The following UBXN2A variants were observed in gnomAD, a reference collection of about 807,000 sequenced individuals.
UBXN2A encodes the protein UBX domain protein 2A.
In UBXN2A, 28 loss-of-function variants were observed where a neutral mutation model predicts 28.4. The ratio of observed to expected loss-of-function variants is 0.99; its 90% CI spans 0.73 to 1.35. UBXN2A has a LOEUF of 1.35. Ranked by LOEUF, UBXN2A falls within the 40% of genes most tolerant of loss-of-function variation. The pLI is 0.00. For synonymous variants in UBXN2A, 97 were observed against 103.6 expected, an observed-to-expected ratio of 0.94 and a Z score of 0.39; for missense variants, 253 against 297.9, an observed-to-expected ratio of 0.85 and a Z score of 1.11.
intron 2 of UBXN2A, among the ~76,000 whole-genome samples, chr2:23,965,233 CTCGGACT>C (rs1558292202): frequency 6.6e-6 from 1 of 152,162 alleles, no homozygotes. Flanking sequence ...ACTGGATTAG[CTCGGACT>C]TCCAGTACAA....
chr2:23,932,775 G>C (rs1573518104), intron 1 of UBXN2A, among the ~76,000 whole-genome samples: 1 of 152,184 alleles, frequency 6.6e-6, no homozygotes, highest in South Asian at 2.1e-4. Flanking sequence ...AAAGTCCCAT[G>C]AATATGATTC....
Position 24,003,445 on chromosome 2 carries a change from A to C in UBXN2A, c.*3578A>C, listed in dbSNP as rs2150932222. The C allele has an allele frequency of 6.6e-6, 1 of 152,264 alleles. No homozygotes were observed. Among genetic ancestry groups the C allele is most frequent in the Middle Eastern group, 3.4e-3 (1 of 294 alleles). 9.4% of individuals were successfully genotyped at this position (152,264 alleles called of 1,614,324 possible). ...GGTTTTTACTAAGGACTCAGGAATA[A>C]CAACAGGGAAATATCTATGTAACTA... On this transcript the variant is annotated 3_prime_UTR_variant, in exon 7 of 7. Coordinates refer to ENST00000309033, the MANE Select transcript of UBXN2A (RefSeq NM_181713.4).
In UBXN2A at chr2:23,940,491, G is replaced by C. The variant is rs1219250409; in HGVS notation, c.-172G>C. ...TGGGCGCCTGGCGAAGACCGAGAGA[G>C]GCTGGCGGGATCTCAGCGGCGCGGC... On this transcript the variant is annotated 5_prime_UTR_variant, in exon 1 of 7. Coordinates refer to ENST00000309033, the MANE Select transcript of UBXN2A (RefSeq NM_181713.4). 4.6e-5 allele frequency: 7 copies of C among 151,382 alleles called. No individual in the cohort carries two copies. In the East Asian group the frequency reaches 1.2e-3, roughly 25 times the overall value. The allele number at this position is 151,382 out of a possible 1,614,324, so 9.4% of individuals were successfully genotyped here.
chr2:23,946,820 T>C (rs1706106727), intron 1 of UBXN2A, among the ~76,000 whole-genome samples: 1 of 151,814 alleles, frequency 6.6e-6, no homozygotes, highest in Non-Finnish European at 1.5e-5. Context: ...AATTTTTGTT[T>C]ATAGATTTTA....
intron 1 of UBXN2A, among the ~76,000 whole-genome samples, chr2:23,947,519 G>A (rs946889390): frequency 6.6e-6 from 1 of 152,024 alleles, no homozygotes; most frequent in African/African-American, 2.4e-5. Context: ...CATGACTTAG[G>A]TTCATTCATG....
At chr2:23,931,336 A>G (rs555472451) in intron 1 of UBXN2A, among the ~76,000 whole-genome samples, 8 of 152,052 alleles carry the variant, frequency 5.3e-5, no homozygotes, top group Non-Finnish European at 7.4e-5. Context: ...AATCGCAGAT[A>G]TTCGGAGGCT....
At position 23,992,922 on chromosome 2, in the gene UBXN2A, A is replaced by G. The variant is rs796308969; in HGVS notation, c.585-6750A>G. Among the ~76,000 whole-genome samples, 10 of 152,302 alleles carry G rather than the reference A, an allele frequency of 6.6e-5. 1 individual carries two copies. The highest frequency in any genetic ancestry group is 2.2e-4 in the African/African-American group (9 of 41,566). ...TTGTTTTTAAATCTAGGCTAACAGT[A>G]TTAGTTTCTGGTTTTGTGGGGTTTT... On this transcript the variant is annotated intron_variant, in intron 6 of 6. Coordinates refer to ENST00000309033, the MANE Select transcript of UBXN2A (RefSeq NM_181713.4).
chr2:23,957,952 A>G (rs1414246775), intron 1 of UBXN2A, among the ~76,000 whole-genome samples: 1 of 152,164 alleles, frequency 6.6e-6, no homozygotes, highest in Non-Finnish European at 1.5e-5. Context: ...CAGTCTCACT[A>G]TTTTACCCAG....
intron 3 of UBXN2A, among the ~76,000 whole-genome samples, chr2:23,975,857 C>T (rs1249674671): frequency 6.6e-6 from 1 of 152,128 alleles, no homozygotes; most frequent in Non-Finnish European, 1.5e-5. Context: ...AACTCCTGAC[C>T]TCAGGTGATC....
upstream of UBXN2A, among the ~76,000 whole-genome samples, chr2:23,939,970 C>G (rs1705665204): frequency 1.3e-5 from 2 of 151,990 alleles, no homozygotes; most frequent in South Asian, 2.1e-4. Flanking sequence ...ATTAGCCGGG[C>G]GTGCTGGCAG....
chr2:23,989,957 C>CT (rs1422411973), intron 6 of UBXN2A, among the ~76,000 whole-genome samples: 1 of 152,130 alleles, frequency 6.6e-6, no homozygotes, highest in East Asian at 1.9e-4. Flanking sequence ...ATATTTGTAA[C>CT]TAACTTCTAC....
intron 3 of UBXN2A, among the ~76,000 whole-genome samples, chr2:23,972,105 T>G (rs1056179857): frequency 1.3e-5 from 2 of 151,338 alleles, no homozygotes; most frequent in Non-Finnish European, 2.9e-5. Context: ...ACTGATAAGG[T>G]AAGGGTAAGG....
Position 23,959,083 on chromosome 2 carries a change from A to G in UBXN2A, c.41+728A>G, listed in dbSNP as rs545005052. 5.3e-5 allele frequency among the ~76,000 whole-genome samples: 8 copies of G among 152,270 alleles called. No homozygotes were observed. In the East Asian group the frequency reaches 1.4e-3, roughly 26 times the overall value. ...CCTGGCTTCAAGTGATCCTCCTGCC[A>G]CAGCCTCTCAAAATGCTAGGATTAT... is the stretch of plus-strand genomic sequence containing the variant. On this transcript the variant is annotated intron_variant, in intron 2 of 6. Transcript: ENST00000309033.
upstream of UBXN2A, chr2:23,940,319 C>G (rs953310942): frequency 6.6e-6 from 1 of 151,892 alleles, no homozygotes; most frequent in Non-Finnish European, 1.5e-5. Flanking sequence ...AGCTAGCCGC[C>G]GGGCCAGTGG....
intron 1 of UBXN2A, among the ~76,000 whole-genome samples, chr2:23,957,808 TG>T (rs1403186500): frequency 1.3e-5 from 2 of 152,140 alleles, no homozygotes; most frequent in Admixed American, 6.6e-5. Flanking sequence ...CACTCCAGCC[TG>T]GGCAACAAGA....
intron 1 of UBXN2A, among the ~76,000 whole-genome samples, chr2:23,944,547 T>G (rs111229211): frequency 0.11 from 16,737 of 152,270 alleles, 999 homozygotes; most frequent in Middle Eastern, 0.2. Context: ...CCCTTGTTTC[T>G]AAAGATGGGG....
intron 6 of UBXN2A, among the ~76,000 whole-genome samples, chr2:23,994,782 C>A (rs1372936318): frequency 6.6e-6 from 1 of 152,190 alleles, no homozygotes; most frequent in East Asian, 1.9e-4. Flanking sequence ...CATCTTCCTC[C>A]AAAGATACCT....
chr2:23,960,877 T>A (rs755761908), intron 2 of UBXN2A, among the ~76,000 whole-genome samples: 1 of 152,100 alleles, frequency 6.6e-6, no homozygotes, highest in Non-Finnish European at 1.5e-5. Flanking sequence ...TCAGGTGATC[T>A]GCCCGCCTTG....
chr2:24,001,456 A>AC lies in UBXN2A; in HGVS notation c.*1590dup, dbSNP rs1708722747. 1 of 152,108 alleles carries AC rather than the reference A, an allele frequency of 6.6e-6. No individual in the cohort carries two copies. The highest frequency in any genetic ancestry group is 2.4e-5 in the African/African-American group (1 of 41,432). 9.4% of individuals were successfully genotyped at this position (152,108 alleles called of 1,614,324 possible). On this transcript the variant is annotated 3_prime_UTR_variant, in exon 7 of 7. Transcript: ENST00000309033. The stretch of plus-strand genomic sequence containing the variant: ...ATCCCCATACCTGAAAATAAGTTTA[A>AC]CATTTTTTTTTGCAAATGATCTATT...
Sources: gnomAD v4.1 joint callset for allele counts (sites outside exome capture counted in the v4.1 genomes callset) on GRCh38, gnomAD v4.1.1 for gene constraint, MANE v1.5 for transcripts, NCBI Gene and HGNC (gene_info 2026-07-23, HGNC 2026-07-21) for gene names.